The following MAD1L1 variants were observed in gnomAD, a reference collection of about 807,000 sequenced individuals.
MAD1L1 encodes the protein mitotic spindle assembly checkpoint protein MAD1.
In MAD1L1, 95 loss-of-function variants were observed where a neutral mutation model predicts 96.9. The observed-to-expected ratio is 0.98, with a 90% CI of 0.83 to 1.16. The LOEUF (loss-of-function observed/expected upper bound fraction) is 1.16. Ranked by LOEUF, MAD1L1 falls within the 50% of genes most tolerant of loss-of-function variation. The pLI is 0.00. For missense variants in MAD1L1, 1,007 were observed against 954.4 expected, an observed-to-expected ratio of 1.06 and a Z score of -0.73; for synonymous variants, 473 against 396.6, an observed-to-expected ratio of 1.19 and a Z score of -2.29.
At chr7:1,905,338 T>C (rs10950435) in intron 17 of MAD1L1, among the ~76,000 whole-genome samples, 507 of 42,552 alleles carry the variant, frequency 0.012, 2 homozygotes, top group African/African-American at 0.027. Flanking sequence ...ATGGAAGACG[T>C]TCTTGTGGAA....
chr7:1,840,302 C>A (rs1180560368), intron 18 of MAD1L1, among the ~76,000 whole-genome samples: 7 of 152,254 alleles, frequency 4.6e-5, no homozygotes, highest in Admixed American at 1.3e-4. Context: ...CCGTGAGCCC[C>A]AGCTCCAGGC....
At chr7:1,973,682 C>G (rs541364387) in intron 15 of MAD1L1, among the ~76,000 whole-genome samples, 1 of 152,156 alleles carries the variant, frequency 6.6e-6, no homozygotes, top group Non-Finnish European at 1.5e-5. Flanking sequence ...CGGCAGCCTC[C>G]CTGCTGCAGG....
At chr7:2,174,347 G>A (rs993420936) in intron 10 of MAD1L1, among the ~76,000 whole-genome samples, 2 of 152,174 alleles carry the variant, frequency 1.3e-5, no homozygotes, top group Admixed American at 6.5e-5. Flanking sequence ...TCCTTCTGAA[G>A]GTGTGTAGGA....
At chr7:1,848,187 C>A in intron 18 of MAD1L1, 1 of 203,818 alleles carries the variant, frequency 4.9e-6, no homozygotes, top group Non-Finnish European at 1.0e-5. Context: ...TGCTGCAGCC[C>A]CAGGAAGGGT....
intron 10 of MAD1L1, among the ~76,000 whole-genome samples, chr7:2,180,438 G>A (rs545826643): frequency 2.6e-5 from 4 of 152,284 alleles, no homozygotes; most frequent in South Asian, 2.1e-4. Flanking sequence ...AAAGCATGCC[G>A]AACTTCCAGA....
rs1562532474 is a variant in MAD1L1 at position 1,929,702 on chromosome 7, G to GCTGCCATGTCCCCTCGCCCATCCCCCA, written c.1807+6984_1807+6985insTGGGGGATGGGCGAGGGGACATGGCAG. On this transcript the variant is annotated intron_variant, in intron 17 of 18. Transcript: ENST00000265854. ...AGGGAGCTCTTGACTCTGCAGCCCCGCTGCCACGTCCCCTCGCCCATCCCC... is the reference window on the plus strand; with the variant it reads ...AGGGAGCTCTTGACTCTGCAGCCCCGCTGCCATGTCCCCTCGCCCATCCCCCACTGCCACGTCCCCTCGCCCATCCCC... Among the ~76,000 whole-genome samples, 13 of 131,132 alleles carry GCTGCCATGTCCCCTCGCCCATCCCCCA rather than the reference G, an allele frequency of 9.9e-5. 2 individuals carry two copies. Among genetic ancestry groups the GCTGCCATGTCCCCTCGCCCATCCCCCA allele is most frequent in the African/African-American group, 3.5e-4 (13 of 37,218 alleles). 86.0% of individuals were successfully genotyped at this position (131,132 alleles called of 152,430 possible). A position where few individuals can be genotyped will look rare whatever the true frequency, so the allele number is the denominator to read the frequency against.
intron 18 of MAD1L1, among the ~76,000 whole-genome samples, chr7:1,872,958 G>A (rs755807409): frequency 6.6e-6 from 1 of 152,238 alleles, no homozygotes; most frequent in Non-Finnish European, 1.5e-5. Context: ...CACGGAGAGA[G>A]AGATGGCCGT....
rs951604239 is a variant in MAD1L1 at position 2,146,898 on chromosome 7, G to A, written c.1073+2254C>T. Among the ~76,000 whole-genome samples the A allele has an allele frequency of 6.6e-6, 1 of 152,228 alleles. No individual in the cohort carries two copies. The highest frequency in any genetic ancestry group is 1.5e-5 in the Non-Finnish European group (1 of 68,040). On this transcript the variant is annotated intron_variant, in intron 11 of 18. Transcript: ENST00000265854. This position sits in a 1 kb window ranked among gnomAD's most constrained non-coding sequence, Gnocchi z 6.2. ...TGTCCCGCCACGGAAGAGAGCAGCA[G>A]CCCAGAGGCCAGAACGCAAGCACCA... is the stretch of plus-strand genomic sequence containing the variant.
chr7:1,913,413 G>A (rs1788145738), intron 17 of MAD1L1, among the ~76,000 whole-genome samples: 1 of 150,744 alleles, frequency 6.6e-6, no homozygotes, highest in African/African-American at 2.4e-5. Context: ...GCATGAGGAG[G>A]AATCCGCGCG....
intron 17 of MAD1L1, among the ~76,000 whole-genome samples, chr7:1,918,520 C>G (rs1443758065): frequency 6.6e-6 from 1 of 152,226 alleles, no homozygotes; most frequent in Non-Finnish European, 1.5e-5. Flanking sequence ...GGCGCCCAGT[C>G]CAGGGAGGAT....
intron 18 of MAD1L1, chr7:1,845,397 T>G (rs1783542117): frequency 6.6e-6 from 1 of 152,144 alleles, no homozygotes; most frequent in Admixed American, 6.5e-5. Context: ...AAACAGCAGC[T>G]CGGAAACAAG....
chr7:1,856,433 G>A (rs890177385), intron 18 of MAD1L1, among the ~76,000 whole-genome samples: 2 of 152,228 alleles, frequency 1.3e-5, no homozygotes, highest in Non-Finnish European at 2.9e-5. Context: ...GCCGGGGTTG[G>A]GGGATGGGAA....
rs542428053 is a variant in MAD1L1, at chr7:2,055,390, CCT to C, written c.1218+13802_1218+13803del. On this transcript the variant is annotated intron_variant, in intron 12 of 18. Coordinates refer to ENST00000265854, the MANE Select transcript of MAD1L1 (RefSeq NM_001013836.2). ...GGGCACGATCCAGGCCTCTGCCACCCCTGACAGAACTGGCCCGGAGCAGCACA... is the reference window on the plus strand; with the variant it reads ...GGGCACGATCCAGGCCTCTGCCACCCGACAGAACTGGCCCGGAGCAGCACA... Among the ~76,000 whole-genome samples the C allele has an allele frequency of 4.2e-3, 639 of 152,298 alleles. 6 individuals are homozygous for C. Among genetic ancestry groups the C allele is most frequent in the African/African-American group, 0.015 (613 of 41,556 alleles).
At chr7:2,055,498 G>A (rs925418582) in intron 12 of MAD1L1, among the ~76,000 whole-genome samples, 17 of 151,968 alleles carry the variant, frequency 1.1e-4, no homozygotes, top group African/African-American at 3.9e-4. Flanking sequence ...AGATTTCCAC[G>A]ATCTCTACAA....
At chr7:1,980,665 A>C (rs1562580844) in intron 14 of MAD1L1, 124 bp from the exon 15 acceptor site, 12 of 762,144 alleles carry the variant, frequency 1.6e-5, no homozygotes, top group Non-Finnish European at 2.3e-5. Flanking sequence ...GAGCTGCGGG[A>C]GAGACCTCTC....
intron 12 of MAD1L1, among the ~76,000 whole-genome samples, chr7:2,050,476 G>T (rs960845271): frequency 6.6e-6 from 1 of 152,230 alleles, no homozygotes; most frequent in Non-Finnish European, 1.5e-5. Flanking sequence ...GCTGTGGCTT[G>T]ACCTTTCTGG....
At chr7:1,974,019 G>A (rs778648580) in intron 15 of MAD1L1, among the ~76,000 whole-genome samples, 4 of 152,212 alleles carry the variant, frequency 2.6e-5, no homozygotes, top group Non-Finnish European at 4.4e-5. Context: ...CTGCTTCTGG[G>A]AGTGAAGGGC....
intron 12 of MAD1L1, among the ~76,000 whole-genome samples, chr7:2,018,578 C>T (rs1265848552): frequency 1.3e-5 from 2 of 152,224 alleles, no homozygotes; most frequent in Non-Finnish European, 2.9e-5. Flanking sequence ...GGGCTTCCCT[C>T]CTGGGAGTCA....
At chr7:2,217,054 G>C (rs745565) in intron 7 of MAD1L1, among the ~76,000 whole-genome samples, 40,885 of 152,068 alleles carry the variant, frequency 0.27, 6,898 homozygotes, top group East Asian at 0.51. Flanking sequence ...AGGAGCAAAA[G>C]TCTGTCTCAA....
Sources: allele counts gnomAD v4.1 joint callset (sites outside exome capture counted in the v4.1 genomes callset), GRCh38; gene constraint gnomAD v4.1.1; non-coding constraint Gnocchi (gnomAD v3.1); transcripts MANE v1.5; gene names NCBI Gene and HGNC (gene_info 2026-07-23, HGNC 2026-07-21).